The following AFF3 variants were observed in gnomAD, a reference collection of about 807,000 sequenced individuals.
The protein encoded by AFF3 is AF4/FMR2 family member 3.
A neutral mutation model predicts 129.7 loss-of-function variants in AFF3; 32 were observed. The observed-to-expected ratio is 0.25, with a 90% confidence interval of 0.19 to 0.33. AFF3 has a LOEUF of 0.33. Ranked by LOEUF, AFF3 falls within the 10% of genes least tolerant of loss-of-function variation. The pLI is 1.00. For synonymous variants in AFF3, 644 were observed against 635.4 expected, an observed-to-expected ratio of 1.01 and a Z score of -0.20; for missense variants, 1,373 against 1,592.0, an observed-to-expected ratio of 0.86 and a Z score of 2.34.
At chr2:99,563,611 G>T (rs923877026) in intron 20 of AFF3, among the ~76,000 whole-genome samples, 5 of 151,398 alleles carry the variant, frequency 3.3e-5, no homozygotes, top group African/African-American at 1.2e-4. Context: ...AGGAGTTCAA[G>T]ACCATCCTGA....
intron 10 of AFF3, among the ~76,000 whole-genome samples, 166 bp from the exon 11 acceptor site, chr2:99,727,294 TTTC>T (rs1164675731): frequency 6.6e-6 from 1 of 152,234 alleles, no homozygotes; most frequent in Non-Finnish European, 1.5e-5. Context: ...TGCAAAATAA[TTTC>T]TTTTCTGCAA....
At chr2:99,792,921 A>AT (rs561525581) in intron 8 of AFF3, among the ~76,000 whole-genome samples, 1 of 152,074 alleles carries the variant, frequency 6.6e-6, no homozygotes, top group Non-Finnish European at 1.5e-5. Flanking sequence ...TTTCCTCCTC[A>AT]TTTGTTTTCT....
At chr2:100,030,510 T>C (rs1047371289) in intron 4 of AFF3, among the ~76,000 whole-genome samples, 2 of 152,198 alleles carry the variant, frequency 1.3e-5, no homozygotes, top group Non-Finnish European at 2.9e-5. Context: ...ATCAAGCTCC[T>C]AGATATCTAC....
chr2:100,001,150 T>C (rs1007835848), intron 7 of AFF3, among the ~76,000 whole-genome samples: 1 of 152,154 alleles, frequency 6.6e-6, no homozygotes, highest in Admixed American at 6.5e-5. Flanking sequence ...TGAGAAAGTA[T>C]GGAAAATAAA....
chr2:99,630,721 G>A (rs907196196), intron 13 of AFF3: 7 of 161,268 alleles, frequency 4.3e-5, no homozygotes. Context: ...AGTGAGCAAA[G>A]AGAAAGTGCC....
At chr2:99,676,664 G>A (rs766413772) in intron 11 of AFF3, among the ~76,000 whole-genome samples, 7 of 152,204 alleles carry the variant, frequency 4.6e-5, no homozygotes, top group Non-Finnish European at 4.4e-5. Flanking sequence ...TAAACAAGTT[G>A]AGACTTTGAG....
intron 7 of AFF3, among the ~76,000 whole-genome samples, chr2:99,937,757 A>G (rs1008943857): frequency 6.6e-6 from 1 of 152,196 alleles, no homozygotes; most frequent in Non-Finnish European, 1.5e-5. Context: ...GACTTTGCTT[A>G]AGGATGGTAT....
At chr2:99,715,964 G>A (rs1195683866) in intron 11 of AFF3, among the ~76,000 whole-genome samples, 2 of 152,078 alleles carry the variant, frequency 1.3e-5, no homozygotes, top group Non-Finnish European at 2.9e-5. Flanking sequence ...GAGCCACTGC[G>A]CTCAGCCTCA....
At chr2:100,055,993 T>C (rs1443010593) in intron 4 of AFF3, among the ~76,000 whole-genome samples, 1 of 150,424 alleles carries the variant, frequency 6.6e-6, no homozygotes, top group Non-Finnish European at 1.5e-5. Flanking sequence ...GCTATGATCA[T>C]GCACTCCAGC....
chr2:100,007,384 GTTA>G lies in AFF3; in HGVS notation c.248_250del (p.Leu83_Thr84delinsSer), dbSNP rs1415070711. On this transcript the variant is annotated inframe_deletion, in exon 6 of 25. Coordinates refer to ENST00000672756, the MANE Select transcript of AFF3 (RefSeq NM_001386135.1). ...GAGATGACTCTGATTGGATCTATCA[GTTA>G]AAAAGTCTTTCATTTCATCATAATT... 1.9e-6 allele frequency: 3 copies of G among 1,614,186 alleles called. No individual in the cohort carries two copies. The highest frequency in any genetic ancestry group is 2.5e-6 in the Non-Finnish European group (3 of 1,180,022).
intron 7 of AFF3, among the ~76,000 whole-genome samples, chr2:99,883,445 G>A (rs566721378): frequency 2.0e-5 from 3 of 152,072 alleles, no homozygotes; most frequent in Non-Finnish European, 2.9e-5. Context: ...TAAAATACAC[G>A]CTTCATTAGT....
intron 11 of AFF3, among the ~76,000 whole-genome samples, chr2:99,683,111 T>A (rs1420670471): frequency 1.3e-5 from 2 of 152,206 alleles, no homozygotes; most frequent in East Asian, 3.8e-4. Context: ...GTTTCTCTTC[T>A]CCAGATCAAA....
intron 11 of AFF3, among the ~76,000 whole-genome samples, chr2:99,684,941 CTTT>C (rs70940184): frequency 1.4e-5 from 2 of 138,848 alleles, no homozygotes; most frequent in African/African-American, 2.6e-5. Context: ...TTCTTTCTTT[CTTT>C]TTTTTTTTTT....
intron 4 of AFF3, among the ~76,000 whole-genome samples, chr2:100,074,000 A>C (rs968246780): frequency 2.6e-5 from 4 of 152,194 alleles, no homozygotes; most frequent in Non-Finnish European, 4.4e-5. Context: ...AGAGGAACTA[A>C]TCTCTCACAA....
At chr2:100,081,503 C>G (rs1448935892) in intron 4 of AFF3, among the ~76,000 whole-genome samples, 1 of 152,082 alleles carries the variant, frequency 6.6e-6, no homozygotes, top group Non-Finnish European at 1.5e-5. Flanking sequence ...TTCTGTTGAG[C>G]CTCCACCCTG....
chr2:99,834,059 T>A (rs551428727), intron 8 of AFF3, among the ~76,000 whole-genome samples: 4 of 152,210 alleles, frequency 2.6e-5, no homozygotes, highest in Admixed American at 6.5e-5. Context: ...ACACTGGCTA[T>A]AAAACCTCTG....
intron 4 of AFF3, among the ~76,000 whole-genome samples, chr2:100,062,813 G>A (rs371256414): frequency 6.6e-6 from 1 of 152,220 alleles, no homozygotes. Context: ...AACATCAGGA[G>A]TGAGAGAAAG....
intron 7 of AFF3, among the ~76,000 whole-genome samples, chr2:99,988,269 A>G (rs1158698542): frequency 6.6e-6 from 1 of 152,242 alleles, no homozygotes; most frequent in Non-Finnish European, 1.5e-5. Context: ...AAGAAGATTT[A>G]GTGCCAGCTT....
At chr2:99,827,050 A>T (rs1340779821) in intron 8 of AFF3, among the ~76,000 whole-genome samples, 1 of 152,200 alleles carries the variant, frequency 6.6e-6, no homozygotes, top group Non-Finnish European at 1.5e-5. Flanking sequence ...CCGGGGAATG[A>T]AGATAATCCA....
Sources: gnomAD v4.1 joint callset for allele counts (sites outside exome capture counted in the v4.1 genomes callset) on GRCh38, gnomAD v4.1.1 for gene constraint, MANE v1.5 for transcripts, NCBI Gene and HGNC (gene_info 2026-07-23, HGNC 2026-07-21) for gene names.